ACBD5: variants seen among roughly 807,000 people sequenced by gnomAD.
The protein encoded by ACBD5 is acyl-CoA-binding domain-containing protein 5.
Under a neutral mutation model 71.8 loss-of-function variants are expected in ACBD5, and 40 were observed. The ratio of observed to expected loss-of-function variants is 0.56; its 90% CI spans 0.43 to 0.72. ACBD5 has a LOEUF of 0.72. ACBD5 is among the 30% of genes least tolerant of loss of function. The pLI, the probability that ACBD5 is intolerant of heterozygous loss-of-function variation, is 0.00. For missense variants in ACBD5, 559 were observed against 644.5 expected (o/e 0.87, Z 1.44); for synonymous variants, 229 against 218.6 (o/e 1.05, Z -0.42).
intron 13 of ACBD5, among the ~76,000 whole-genome samples, chr10:27,185,202 C>T (rs534076540): frequency 1.4e-4 from 21 of 152,166 alleles, no homozygotes; most frequent in East Asian, 7.7e-4. Context: ...TGCTAAGGAG[C>T]GTGGTGATAG....
At chr10:27,189,074 T>TA (rs2058944360) in intron 13 of ACBD5, among the ~76,000 whole-genome samples, 1 of 152,256 alleles carries the variant, frequency 6.6e-6, no homozygotes. Context: ...TCTAGAGTCT[T>TA]ATCTACCAGG....
chr10:27,183,483 C>T lies in ACBD5; in HGVS notation c.1494-768G>A, dbSNP rs1588765192. 4.6e-5 allele frequency among the ~76,000 whole-genome samples: 7 copies of T among 152,126 alleles called. No individual in the cohort carries two copies. In the South Asian group the frequency reaches 1.5e-3, roughly 32 times the overall value. ...ATTTTTTAGTAGAGATGGGGTTTCA[C>T]CATGTTGGCCAGGATGGTCTCGATC... On this transcript the variant is annotated intron_variant, in intron 13 of 13. Transcript: ENST00000676511.
intron 8 of ACBD5, 35 bp downstream of exon 8, chr10:27,215,500 T>A: frequency 6.8e-7 from 1 of 1,468,326 alleles, no homozygotes; most frequent in Non-Finnish European, 9.5e-7. Flanking sequence ...ATACACCACT[T>A]TGAAAATACA....
downstream of ACBD5, among the ~76,000 whole-genome samples, chr10:27,193,878 T>A (rs1344472076): frequency 2.0e-5 from 3 of 152,198 alleles, no homozygotes; most frequent in Non-Finnish European, 1.5e-5. Flanking sequence ...TTCTATTACA[T>A]GAAGCAGAAT....
chr10:27,213,372 G>A (rs1483645485), intron 8 of ACBD5, among the ~76,000 whole-genome samples: 1 of 152,146 alleles, frequency 6.6e-6, no homozygotes, highest in Non-Finnish European at 1.5e-5. Flanking sequence ...ATGCTGGCAA[G>A]GATGTGAAGA....
chr10:27,231,582 A>G (rs2063870692), intron 4 of ACBD5, among the ~76,000 whole-genome samples, 166 bp downstream of exon 4: 1 of 152,232 alleles, frequency 6.6e-6, no homozygotes, highest in Admixed American at 6.5e-5. Flanking sequence ...AAAACACTTA[A>G]GATGAACTTT....
At chr10:27,217,101 G>A (rs1358877402) in intron 7 of ACBD5, among the ~76,000 whole-genome samples, 3 of 129,410 alleles carry the variant, frequency 2.3e-5, no homozygotes, top group Non-Finnish European at 3.1e-5. Flanking sequence ...AGCTGAGATC[G>A]CATCACTGCA....
At chr10:27,236,412 T>G (rs1344736489) in intron 2 of ACBD5, among the ~76,000 whole-genome samples, 4 of 152,188 alleles carry the variant, frequency 2.6e-5, no homozygotes, top group Non-Finnish European at 5.9e-5. Flanking sequence ...AGTAGAAAGA[T>G]AAACATAAAA....
At chr10:27,216,990 C>CA (rs1306499308) in intron 7 of ACBD5, among the ~76,000 whole-genome samples, 4 of 151,100 alleles carry the variant, frequency 2.6e-5, no homozygotes, top group South Asian at 2.1e-4. Context: ...CTAAAAAATA[C>CA]AAAAAATTAG....
chr10:27,210,138 T>C (rs574636257), intron 9 of ACBD5, among the ~76,000 whole-genome samples: 18 of 152,326 alleles, frequency 1.2e-4, no homozygotes, highest in Middle Eastern at 6.8e-3. Context: ...CCTAGCCTTG[T>C]AGGAATGGAA....
intron 3 of ACBD5, among the ~76,000 whole-genome samples, chr10:27,234,876 G>T (rs1335573908): frequency 6.6e-6 from 1 of 152,206 alleles, no homozygotes; most frequent in East Asian, 1.9e-4. Context: ...AGGCTGCAGT[G>T]AGCCGAGATC....
upstream of ACBD5, chr10:27,242,085 C>G (rs896383720): frequency 1.8e-5 from 8 of 452,244 alleles, no homozygotes; most frequent in Non-Finnish European, 2.7e-5. Context: ...AAGGCCTGTC[C>G]GGTAATGTCC....
chr10:27,204,472 C>A lies in ACBD5; in HGVS notation c.1533G>T (p.Trp511Cys), dbSNP rs779366258. Residue 511 changes from tryptophan to cysteine, a missense_variant, in exon 12 of 13, where the codon TGG (tryptophan) becomes TGT (cysteine). Transcript: ENST00000396271. ...TTCTTTGATAGTATAAATACACCAA[C>A]CACTGTGCAATAAAAGGCCATATGA... is the stretch of plus-strand genomic sequence containing the variant. ...FAIIWPFIAQ[W>C]LVYLYYQRRR... 1 of 1,614,030 alleles carries A rather than the reference C, an allele frequency of 6.2e-7. No individual in the cohort carries two copies. Among genetic ancestry groups the A allele is most frequent in the Non-Finnish European group, 8.5e-7 (1 of 1,179,950 alleles).
intron 2 of ACBD5, among the ~76,000 whole-genome samples, chr10:27,237,621 CT>C (rs60724833): frequency 0.042 from 5,645 of 133,602 alleles, 117 homozygotes; most frequent in African/African-American, 0.072. Context: ...GATAGGATAT[CT>C]TTTTTTTTTT....
intron 12 of ACBD5, among the ~76,000 whole-genome samples, chr10:27,203,857 G>A (rs781491243): frequency 5.3e-5 from 8 of 151,878 alleles, no homozygotes; most frequent in East Asian, 1.9e-4. Flanking sequence ...GGCTAGTCTC[G>A]AACTCCTTTG....
downstream of ACBD5, among the ~76,000 whole-genome samples, chr10:27,192,200 T>C (rs948103400): frequency 1.3e-5 from 2 of 150,748 alleles, no homozygotes; most frequent in East Asian, 1.9e-4. Flanking sequence ...AATAAATATA[T>C]GCCAAAAAAC....
At position 27,236,817 on chromosome 10, in the gene ACBD5, G is replaced by A. The variant is rs1423676852; in HGVS notation, c.182-1605C>T. On this transcript the variant is annotated intron_variant, in intron 2 of 12. Coordinates refer to ENST00000396271, the MANE Select transcript of ACBD5 (RefSeq NM_145698.5). ...ACAGAATTGCTTGAACCTGGAAGAC[G>A]GTGGTTGCAGTGAGCCAAGATCACA... is the stretch of plus-strand genomic sequence containing the variant. 5.3e-5 allele frequency among the ~76,000 whole-genome samples: 8 copies of A among 150,638 alleles called. No homozygotes were observed. In the East Asian group the frequency reaches 1.4e-3, roughly 26 times the overall value.
chr10:27,218,555 T>TA (rs2061934398), intron 6 of ACBD5, among the ~76,000 whole-genome samples: 1 of 151,324 alleles, frequency 6.6e-6, no homozygotes, highest in Non-Finnish European at 1.5e-5. Context: ...TGTCATACCT[T>TA]ACTGGAAAGG....
intron 4 of ACBD5, among the ~76,000 whole-genome samples, chr10:27,225,001 A>C (rs1015983152): frequency 6.6e-6 from 1 of 151,918 alleles, no homozygotes; most frequent in African/African-American, 2.4e-5. Flanking sequence ...ACTGCATTCC[A>C]GCCTGGGCAA....
Sources: gnomAD v4.1 joint callset for allele counts (sites outside exome capture counted in the v4.1 genomes callset) on GRCh38, gnomAD v4.1.1 for gene constraint, MANE v1.5 for transcripts, NCBI Gene and HGNC (gene_info 2026-07-23, HGNC 2026-07-21) for gene names.